PARD3B: variants seen among roughly 807,000 people sequenced by gnomAD.
PARD3B encodes par-3 family cell polarity regulator beta, also known as partitioning defective 3 homolog B.
PARD3B carries 103 observed loss-of-function variants against 130.2 expected under a neutral mutation model. The ratio of observed to expected loss-of-function variants is 0.79; its 90% CI spans 0.67 to 0.93. The LOEUF is 0.93. PARD3B is among the 40% of genes least tolerant of loss of function. PARD3B has a pLI of 0.00. For missense variants in PARD3B, 1,609 were observed against 1,499.2 expected, an observed-to-expected ratio of 1.07 and a Z score of -1.21; for synonymous variants, 583 against 553.2, an observed-to-expected ratio of 1.05 and a Z score of -0.76.
chr2:205,414,735 A>T (rs372391471), intron 19 of PARD3B, among the ~76,000 whole-genome samples: 4 of 152,126 alleles, frequency 2.6e-5, no homozygotes, highest in Non-Finnish European at 5.9e-5. Context: ...CACTGAGGAC[A>T]TAGACATAAT....
Position 205,021,455 on chromosome 2 carries a change from C to T in PARD3B, c.395-26126C>T, listed in dbSNP as rs183312847. On this transcript the variant is annotated intron_variant, in intron 3 of 22. Transcript: ENST00000406610. This position sits in a 1 kb window ranked among gnomAD's most constrained non-coding sequence, Gnocchi z 4.5. ...TCACATTTTAGGATTGACTTCCCAACGGCTGCTCACACAGCCTCTGGAAGT... is the reference window on the plus strand; with the variant it reads ...TCACATTTTAGGATTGACTTCCCAATGGCTGCTCACACAGCCTCTGGAAGT... Among the ~76,000 whole-genome samples, 7 of 152,188 alleles carry T rather than the reference C, an allele frequency of 4.6e-5. No individual in the cohort carries two copies. The highest frequency in any genetic ancestry group is 1.9e-4 in the East Asian group (1 of 5,156).
At chr2:204,886,161 A>G (rs541794694) in intron 2 of PARD3B, among the ~76,000 whole-genome samples, 1 of 152,376 alleles carries the variant, frequency 6.6e-6, no homozygotes, top group South Asian at 2.1e-4. Context: ...ATCAAAGAAG[A>G]AAAGACTCGG....
At chr2:204,976,920 A>T (rs1692224104) in intron 3 of PARD3B, among the ~76,000 whole-genome samples, 1 of 151,950 alleles carries the variant, frequency 6.6e-6, no homozygotes, top group East Asian at 1.9e-4. Flanking sequence ...CATGCAACTG[A>T]TATTTTGATC....
intron 19 of PARD3B, among the ~76,000 whole-genome samples, chr2:205,431,384 T>G (rs1304917286): frequency 6.6e-6 from 1 of 152,148 alleles, no homozygotes; most frequent in Non-Finnish European, 1.5e-5. Context: ...GCCCGAAACT[T>G]GATAATTATT....
At chr2:205,380,809 AATATATT>A (rs1167199423) in intron 18 of PARD3B, among the ~76,000 whole-genome samples, 1 of 100,692 alleles carries the variant, frequency 9.9e-6, no homozygotes, top group African/African-American at 4.3e-5. Flanking sequence ...ATATATAAAG[AATATATT>A]ATATATTATA....
chr2:204,607,383 G>A (rs993043271), intron 1 of PARD3B, among the ~76,000 whole-genome samples: 3 of 152,050 alleles, frequency 2.0e-5, no homozygotes, highest in African/African-American at 4.8e-5. Context: ...AGTAGACATG[G>A]GCTACTATGG....
intron 22 of PARD3B, among the ~76,000 whole-genome samples, chr2:205,580,488 T>C (rs1408826434): frequency 6.6e-6 from 1 of 152,160 alleles, no homozygotes; most frequent in African/African-American, 2.4e-5. Flanking sequence ...TGGGACTGAG[T>C]GTCCATGACC....
intron 2 of PARD3B, among the ~76,000 whole-genome samples, chr2:204,790,926 G>A (rs1248836171): frequency 1.3e-5 from 2 of 151,952 alleles, no homozygotes; most frequent in Non-Finnish European, 2.9e-5. Context: ...CCAACATGGT[G>A]AAACCCTGTC....
At position 204,825,780 on chromosome 2, in the gene PARD3B, A is replaced by G. The variant is rs1203176757; in HGVS notation, c.223-139372A>G. 2.0e-5 allele frequency among the ~76,000 whole-genome samples: 3 copies of G among 152,352 alleles called. No individual in the cohort carries two copies. The East Asian group carries it at 5.8e-4, about 29-fold the overall frequency. On this transcript the variant is annotated intron_variant, in intron 2 of 22. Transcript: ENST00000406610. ...AGTTCTTGAAAAAGGCCCTGTCTTC[A>G]TCTCATCCTAATCCAGCTGAGGATG...
At chr2:205,017,754 T>G (rs1234714156) in intron 3 of PARD3B, among the ~76,000 whole-genome samples, 2 of 152,194 alleles carry the variant, frequency 1.3e-5, no homozygotes, top group Non-Finnish European at 2.9e-5. Context: ...CCTATCCTCT[T>G]CCTGAATCAT....
chr2:205,222,987 G>C (rs6733664), intron 15 of PARD3B, among the ~76,000 whole-genome samples: 20,864 of 152,140 alleles, frequency 0.14, 1,817 homozygotes, highest in African/African-American at 0.25. Context: ...GTGTAGTACA[G>C]AGTAGAAAGT....
chr2:205,025,154 G>T (rs893766459), intron 3 of PARD3B, among the ~76,000 whole-genome samples: 1 of 152,186 alleles, frequency 6.6e-6, no homozygotes, highest in South Asian at 2.1e-4. Flanking sequence ...TATTAATGCC[G>T]ATTTTAGGTC....
At chr2:204,814,388 A>T (rs934116812) in intron 2 of PARD3B, among the ~76,000 whole-genome samples, 4 of 151,774 alleles carry the variant, frequency 2.6e-5, no homozygotes, top group Non-Finnish European at 5.9e-5. Context: ...TAGATGATAT[A>T]TAACACAAAA....
chr2:205,442,289 C>CTTT (rs2047742370), intron 20 of PARD3B, among the ~76,000 whole-genome samples: 9 of 126,686 alleles, frequency 7.1e-5, no homozygotes, highest in African/African-American at 1.4e-4. Flanking sequence ...AACAGGTTTT[C>CTTT]CTTTTTTTTT....
At chr2:204,855,845 C>G (rs2044912707) in intron 2 of PARD3B, among the ~76,000 whole-genome samples, 1 of 152,056 alleles carries the variant, frequency 6.6e-6, no homozygotes, top group Non-Finnish European at 1.5e-5. Flanking sequence ...GAGCAAAGTA[C>G]TCTAGTTCCA....
intron 4 of PARD3B, among the ~76,000 whole-genome samples, chr2:205,051,839 C>G (rs577247690): frequency 6.6e-6 from 1 of 152,316 alleles, no homozygotes; most frequent in East Asian, 1.9e-4. Flanking sequence ...TAACACCAGA[C>G]ACACAGCAAA....
chr2:205,061,052 C>A (rs891849979), intron 4 of PARD3B, among the ~76,000 whole-genome samples: 6 of 152,048 alleles, frequency 3.9e-5, no homozygotes, highest in African/African-American at 1.4e-4. Flanking sequence ...CCATAATACT[C>A]CCTTTGAGTT....
At chr2:205,342,546 T>C (rs1293044347) in intron 18 of PARD3B, among the ~76,000 whole-genome samples, 4 of 152,156 alleles carry the variant, frequency 2.6e-5, no homozygotes, top group South Asian at 2.1e-4. Context: ...TACTAAAACT[T>C]TGGAGACTGC....
chr2:205,614,342 T>G (rs1465537134), intron 22 of PARD3B, among the ~76,000 whole-genome samples: 1 of 152,190 alleles, frequency 6.6e-6, no homozygotes, highest in Non-Finnish European at 1.5e-5. Context: ...GTTTGGCATT[T>G]CCCTATTCTG....
Sources: allele counts gnomAD v4.1 joint callset (sites outside exome capture counted in the v4.1 genomes callset), GRCh38; gene constraint gnomAD v4.1.1; non-coding constraint Gnocchi (gnomAD v3.1); transcripts MANE v1.5; gene names NCBI Gene and HGNC (gene_info 2026-07-23, HGNC 2026-07-21).